MACROD2: variants seen among roughly 807,000 people sequenced by gnomAD.
MACROD2 encodes mono-ADP ribosylhydrolase 2, also known as ADP-ribose glycohydrolase MACROD2.
Under a neutral mutation model 70.4 loss-of-function variants are expected in MACROD2, and 36 were observed. The observed-to-expected ratio is 0.51, with a 90% confidence interval of 0.39 to 0.68. The LOEUF (loss-of-function observed/expected upper bound fraction) is 0.68, where lower values mean the gene tolerates loss of function less well. Ranked by LOEUF, MACROD2 falls within the 30% of genes least tolerant of loss-of-function variation. The pLI, the probability that MACROD2 is intolerant of heterozygous loss-of-function variation, is 0.00. For synonymous variants in MACROD2, 172 were observed against 178.8 expected, an observed-to-expected ratio of 0.96 and a Z score of 0.30; for missense variants, 496 against 538.4, an observed-to-expected ratio of 0.92 and a Z score of 0.78.
chr20:14,289,730 C>T (rs985183150), intron 3 of MACROD2, among the ~76,000 whole-genome samples: 1 of 152,060 alleles, frequency 6.6e-6, no homozygotes. Flanking sequence ...TTGGTAGAGA[C>T]AGGGTCTCAC....
chr20:14,270,620 A>T (rs959033271), intron 3 of MACROD2, among the ~76,000 whole-genome samples: 7 of 151,192 alleles, frequency 4.6e-5, no homozygotes, highest in African/African-American at 1.7e-4. Context: ...CAAGACAAGT[A>T]CCATGTCTCT....
chr20:15,657,831 A>G (rs377047804), intron 8 of MACROD2, among the ~76,000 whole-genome samples: 1 of 152,176 alleles, frequency 6.6e-6, no homozygotes, highest in African/African-American at 2.4e-5. Context: ...CATGTCTACT[A>G]AAAATACAAA....
At chr20:14,120,643 CTAGA>C (rs1340729343) in intron 3 of MACROD2, among the ~76,000 whole-genome samples, 1 of 149,346 alleles carries the variant, frequency 6.7e-6, no homozygotes, top group Non-Finnish European at 1.5e-5. Flanking sequence ...CAATGATAGA[CTAGA>C]TAAAGAAAAT....
At chr20:14,962,912 A>G (rs2074597692) in intron 5 of MACROD2, among the ~76,000 whole-genome samples, 1 of 152,112 alleles carries the variant, frequency 6.6e-6, no homozygotes, top group South Asian at 2.1e-4. Context: ...AAGCTGTGTT[A>G]CCCAAATCAT....
At chr20:14,994,165 A>G (rs1427857476) in intron 5 of MACROD2, among the ~76,000 whole-genome samples, 1 of 152,184 alleles carries the variant, frequency 6.6e-6, no homozygotes, top group Non-Finnish European at 1.5e-5. Context: ...ATATGTACAT[A>G]CATACATATA....
Position 15,908,957 on chromosome 20 carries a change from G to A in MACROD2, c.775+23146G>A, listed in dbSNP as rs187715066. Among the ~76,000 whole-genome samples the A allele has an allele frequency of 2.6e-5, 4 of 152,336 alleles. No individual in the cohort carries two copies. In the East Asian group the frequency reaches 5.8e-4, roughly 22 times the overall value. ...ATGGCTTGTTCCAGGTACTAGGGAT[G>A]TATAAAACTTGTTGGCTTAAAATAA... On this transcript the variant is annotated intron_variant, in intron 10 of 17. Transcript: ENST00000684519.
At chr20:14,425,463 A>T (rs1029536329) in intron 3 of MACROD2, among the ~76,000 whole-genome samples, 1 of 152,230 alleles carries the variant, frequency 6.6e-6, no homozygotes, top group Non-Finnish European at 1.5e-5. Context: ...TATAACAGCT[A>T]CAATATTTTT....
chr20:15,124,049 G>A (rs2076049152), intron 5 of MACROD2, among the ~76,000 whole-genome samples: 1 of 152,000 alleles, frequency 6.6e-6, no homozygotes, highest in Non-Finnish European at 1.5e-5. Context: ...TATTTTCTGT[G>A]TTTGATTCAC....
intron 6 of MACROD2, among the ~76,000 whole-genome samples, chr20:15,403,776 A>G (rs1001691776): frequency 6.6e-6 from 1 of 152,206 alleles, no homozygotes; most frequent in Non-Finnish European, 1.5e-5. Flanking sequence ...GATGGAGACT[A>G]TTACAATGAA....
In MACROD2 at chr20:14,311,781, G is replaced by A. The variant is rs560233098; in HGVS notation, c.272-181698G>A. ...GATCCACCCCCCATGGCCTCCCTAA[G>A]TGCTGGGATTACAGGCGTGAGCCAC... On this transcript the variant is annotated intron_variant, in intron 3 of 17. Transcript: ENST00000684519. Among the ~76,000 whole-genome samples the A allele has an allele frequency of 2.0e-5, 3 of 152,232 alleles. No individual in the cohort carries two copies. In the South Asian group the frequency reaches 6.2e-4, roughly 32 times the overall value.
chr20:14,276,524 G>A (rs2082258655), intron 3 of MACROD2, among the ~76,000 whole-genome samples: 1 of 149,296 alleles, frequency 6.7e-6, no homozygotes, highest in African/African-American at 2.5e-5. Flanking sequence ...TATACCTAAT[G>A]CTAAATGACG....
chr20:14,562,741 T>C (rs929241155), intron 4 of MACROD2, among the ~76,000 whole-genome samples: 1 of 151,848 alleles, frequency 6.6e-6, no homozygotes, highest in African/African-American at 2.4e-5. Context: ...CTCTCCTCCT[T>C]CTTGCTGGGT....
At chr20:14,018,625 A>G (rs973907838) in intron 2 of MACROD2, among the ~76,000 whole-genome samples, 2 of 151,644 alleles carry the variant, frequency 1.3e-5, no homozygotes, top group African/African-American at 4.8e-5. Context: ...TGAATTTTTC[A>G]TTTTGGTTAT....
chr20:14,313,127 A>T (rs2082581328), intron 3 of MACROD2, among the ~76,000 whole-genome samples: 1 of 152,262 alleles, frequency 6.6e-6, no homozygotes, highest in Non-Finnish European at 1.5e-5. Flanking sequence ...GAAAGATTTG[A>T]ATATAATATA....
chr20:14,220,265 A>G (rs959993100), intron 3 of MACROD2, among the ~76,000 whole-genome samples: 1 of 151,604 alleles, frequency 6.6e-6, no homozygotes, highest in African/African-American at 2.4e-5. Context: ...ACCTAGGAGG[A>G]TTATGGCTGT....
At chr20:14,673,210 G>A (rs1015532029) in intron 4 of MACROD2, among the ~76,000 whole-genome samples, 2 of 152,164 alleles carry the variant, frequency 1.3e-5, no homozygotes, top group African/African-American at 4.8e-5. Flanking sequence ...GTGAGAGCAA[G>A]GCTTTAATTA....
At chr20:15,242,041 A>T (rs2077064659) in intron 6 of MACROD2, among the ~76,000 whole-genome samples, 1 of 152,242 alleles carries the variant, frequency 6.6e-6, no homozygotes, top group African/African-American at 2.4e-5. Context: ...AACCCAGCAG[A>T]TACCACCATA....
intron 5 of MACROD2, among the ~76,000 whole-genome samples, chr20:14,806,715 A>G (rs1283395224): frequency 2.6e-5 from 4 of 152,066 alleles, no homozygotes; most frequent in South Asian, 2.1e-4. Context: ...TGCCAGCACA[A>G]TAGTCTGAAG....
chr20:15,088,315 A>G (rs957849186), intron 5 of MACROD2, among the ~76,000 whole-genome samples: 5 of 150,550 alleles, frequency 3.3e-5, no homozygotes, highest in Non-Finnish European at 7.4e-5. Flanking sequence ...CCTATGGATT[A>G]TGATTAAGCT....
Sources: gnomAD v4.1 joint callset for allele counts (sites outside exome capture counted in the v4.1 genomes callset) on GRCh38, gnomAD v4.1.1 for gene constraint, MANE v1.5 for transcripts, NCBI Gene and HGNC (gene_info 2026-07-23, HGNC 2026-07-21) for gene names.